TBL1X: variants seen among roughly 807,000 people sequenced by gnomAD.
The protein encoded by TBL1X is transducin beta like 1 X-linked.
A neutral mutation model predicts 50.7 loss-of-function variants in TBL1X; 10 were observed. The ratio of observed to expected loss-of-function variants is 0.20; its 90% CI spans 0.12 to 0.33. The LOEUF is 0.33. Among genes scored for constraint, TBL1X ranks in the 10% least tolerant of loss-of-function variants. The pLI is 1.00. For missense variants in TBL1X, 340 were observed against 504.4 expected, an observed-to-expected ratio of 0.67 and a Z score of 3.12; for synonymous variants, 190 against 214.7, an observed-to-expected ratio of 0.88 and a Z score of 1.01.
chrX:9,486,459 C>G (rs1167592436), intron 1 of TBL1X, among the ~76,000 whole-genome samples: 1 of 110,341 alleles, frequency 9.1e-6, no homozygotes, highest in East Asian at 2.8e-4. Context: ...GTCTCGAGCT[C>G]CTGGACTCAA....
At chrX:9,697,023 G>A (rs2283693) in intron 11 of TBL1X, among the ~76,000 whole-genome samples, 41,388 of 111,108 alleles carry the variant, frequency 0.37, 5,779 homozygotes, top group South Asian at 0.46. Context: ...AAATGTGGCC[G>A]TCCAGATTGC....
chrX:9,689,010 G>T (rs184582694), intron 7 of TBL1X, among the ~76,000 whole-genome samples: 1 of 110,827 alleles, frequency 9.0e-6, no homozygotes, highest in East Asian at 2.8e-4. Flanking sequence ...GCGTGTGCGT[G>T]TATGTGTGCG....
At chrX:9,580,849 A>G (rs372128478) in intron 2 of TBL1X, among the ~76,000 whole-genome samples, 1 of 111,682 alleles carries the variant, frequency 9.0e-6, no homozygotes, top group East Asian at 2.8e-4. Flanking sequence ...TATCCTGCAG[A>G]TGTAGCCTCC....
At chrX:9,563,875 C>T (rs1235747249) in intron 2 of TBL1X, among the ~76,000 whole-genome samples, 1 of 112,060 alleles carries the variant, frequency 8.9e-6, no homozygotes, top group Non-Finnish European at 1.9e-5. Flanking sequence ...AAAAATTAAC[C>T]ACATCAAAAC....
intron 5 of TBL1X, among the ~76,000 whole-genome samples, chrX:9,667,908 T>C (rs765864881): frequency 5.4e-5 from 6 of 111,902 alleles, no homozygotes; most frequent in Non-Finnish European, 9.4e-5. Context: ...ACCTTTGATA[T>C]TTGACAAACT....
intron 15 of TBL1X, 48 bp from the exon 16 acceptor site, chrX:9,711,563 T>C: frequency 9.1e-7 from 1 of 1,101,316 alleles, no homozygotes; most frequent in Non-Finnish European, 1.2e-6. Flanking sequence ...GAGAACTGTT[T>C]GAAACCACCG....
Position 9,711,676 on chromosome X carries a change from C to G in TBL1X, c.1505C>G (p.Thr502Arg), listed in dbSNP as rs1165613694. ...IERGVCTHTL[T>R]KHQEPVYSVA... ...CGAGGCGTCTGCACCCACACGCTCA[C>G]GAAGCATCAGGAGCCTGTCTATAGC... Residue 502 changes from threonine to arginine, a missense_variant, in exon 16 of 18, where the codon ACG (threonine) becomes AGG (arginine). Around this residue, in one of 6 missense-constraint regions of TBL1X, gnomAD observed 170 missense variants for 272.6 expected, o/e 0.62. Transcript: ENST00000645353. The G allele has an allele frequency of 5.8e-6, 7 of 1,209,096 alleles. No individual in the cohort carries two copies. Among genetic ancestry groups the G allele is most frequent in the Non-Finnish European group, 7.8e-6 (7 of 894,297 alleles).
At chrX:9,531,671 G>A (rs963330952) in intron 2 of TBL1X, among the ~76,000 whole-genome samples, 5 of 110,271 alleles carry the variant, frequency 4.5e-5, no homozygotes, top group African/African-American at 1.3e-4. Flanking sequence ...TTGGGAGGCC[G>A]AGGCGGGAGG....
intron 16 of TBL1X, 61 bp downstream of exon 16, chrX:9,711,837 C>T: frequency 1.8e-6 from 2 of 1,118,107 alleles, no homozygotes; most frequent in East Asian, 3.2e-5. Context: ...AGCCACGACT[C>T]CAGTGCCCTT....
chrX:9,565,307 A>C (rs751930675), intron 2 of TBL1X, among the ~76,000 whole-genome samples: 2 of 105,346 alleles, frequency 1.9e-5, no homozygotes, highest in East Asian at 5.9e-4. Context: ...TAATCATACT[A>C]TATTGCCCAC....
At chrX:9,494,486 T>C (rs983054254) in intron 1 of TBL1X, among the ~76,000 whole-genome samples, 1 of 111,999 alleles carries the variant, frequency 8.9e-6, no homozygotes, top group Non-Finnish European at 1.9e-5. Context: ...GCTTGAACCA[T>C]GGTGACAGGT....
chrX:9,479,965 T>TGTGTGTGTGTGTGTGTGTG (rs1313372994), intron 1 of TBL1X, among the ~76,000 whole-genome samples: 54 of 108,618 alleles, frequency 5.0e-4, no homozygotes, highest in Middle Eastern at 4.8e-3. Flanking sequence ...TGTGTGTGTG[T>TGTGTGTGTGTGTGTGTGTG]TTGAGATGGA....
At position 9,688,145 on chromosome X, in the gene TBL1X, G is replaced by A. The variant is rs374413930; in HGVS notation, c.486G>A (p.Ala162=). The change falls in exon 7 of 18, where the codon GCG becomes GCA. Residue 162 remains alanine (A), a synonymous_variant. Transcript: ENST00000645353. The part of the protein sequence containing the change: ...EKLAQQQASA[A]AAAAAATAAA... ...TCGCTCAGCAGCAAGCCAGTGCGGC[G>A]GCGGCGGCGGCTGCGGCCACGGCAG... is the stretch of plus-strand genomic sequence containing the variant. 13 of 1,198,114 alleles carry A rather than the reference G, an allele frequency of 1.1e-5. No individual in the cohort carries two copies. The highest frequency in any genetic ancestry group is 4.5e-5 in the Admixed American group (2 of 44,411).
At position 9,677,315 on chromosome X, in the gene TBL1X, G is replaced by A. The variant is rs754120245; in HGVS notation, c.212-6728G>A. 3.6e-5 allele frequency among the ~76,000 whole-genome samples: 4 copies of A among 110,635 alleles called. No homozygotes were observed. In the East Asian group the frequency reaches 8.5e-4, roughly 23 times the overall value. ...ACTGTCAGCATTTGCAGAAACAAAA[G>A]GAAGTGCTACATATACGTTTTGGTT... On this transcript the variant is annotated intron_variant, in intron 5 of 17. Transcript: ENST00000645353.
intron 2 of TBL1X, among the ~76,000 whole-genome samples, chrX:9,594,364 A>T (rs1569068955): frequency 8.9e-6 from 1 of 112,206 alleles, no homozygotes; most frequent in African/African-American, 3.2e-5. Context: ...TTTTAGGTGG[A>T]GGTTAGTATG....
At chrX:9,609,336 G>GGGGTGTGTGT (rs1555900202) in intron 2 of TBL1X, among the ~76,000 whole-genome samples, 2,306 of 94,713 alleles carry the variant, frequency 0.024, 41 homozygotes, top group African/African-American at 0.05. Flanking sequence ...TTTTCTTCCA[G>GGGGTGTGTGT]GTGTGTGTGT....
intron 2 of TBL1X, among the ~76,000 whole-genome samples, chrX:9,567,366 C>T (rs191996013): frequency 1.8e-5 from 2 of 111,105 alleles, no homozygotes; most frequent in East Asian, 2.8e-4. Flanking sequence ...CAGCGTGCAC[C>T]GCCACTGCAG....
intron 12 of TBL1X, among the ~76,000 whole-genome samples, chrX:9,702,441 C>CAAAAA (rs368394481): frequency 2.2e-5 from 1 of 45,195 alleles, no homozygotes. Flanking sequence ...GATCCTGTCT[C>CAAAAA]AAAAAAAAAA....
At chrX:9,703,886 C>T (rs1395228667) in intron 12 of TBL1X, among the ~76,000 whole-genome samples, 1 of 112,526 alleles carries the variant, frequency 8.9e-6, no homozygotes, top group Admixed American at 9.3e-5. Flanking sequence ...GTCACCTGTG[C>T]TTCCAGTGCC....
Sources: gnomAD v4.1 joint callset for allele counts (sites outside exome capture counted in the v4.1 genomes callset) on GRCh38, gnomAD v4.1.1 for gene constraint, gnomAD v4.1.1 regional missense constraint, MANE v1.5 for transcripts, NCBI Gene and HGNC (gene_info 2026-07-23, HGNC 2026-07-21) for gene names.